CLHC1: variants seen among roughly 807,000 people sequenced by gnomAD.
CLHC1 encodes clathrin heavy chain linker domain-containing protein 1.
CLHC1 carries 72 observed loss-of-function variants against 69.5 expected under a neutral mutation model. The observed-to-expected ratio is 1.04, with a 90% confidence interval of 0.86 to 1.26. CLHC1 has a LOEUF of 1.26. Among genes scored for constraint, CLHC1 ranks in the 50% most tolerant of loss-of-function variants. The pLI is 0.00. For synonymous variants in CLHC1, 223 were observed against 224.3 expected (o/e 0.99, Z 0.05); for missense variants, 790 against 679.3 (o/e 1.16, Z -1.81).
intron 10 of CLHC1, among the ~76,000 whole-genome samples, chr2:55,181,117 A>T (rs1274806910): frequency 2.0e-5 from 3 of 152,058 alleles, no homozygotes; most frequent in Non-Finnish European, 4.4e-5. Flanking sequence ...AGTAGCAGGG[A>T]CTACAGCCGT....
intron 5 of CLHC1, 130 bp from the exon 6 acceptor site, chr2:55,209,961 T>A (rs566684904): frequency 5.1e-6 from 3 of 587,976 alleles, no homozygotes; most frequent in East Asian, 5.8e-5. Context: ...TACTTATAGC[T>A]TACTGAACAT....
chr2:55,224,946 C>G (rs1395592910), intron 2 of CLHC1: 2 of 167,542 alleles, frequency 1.2e-5, no homozygotes, highest in Non-Finnish European at 2.6e-5. Flanking sequence ...TGCCCAGCCT[C>G]TTTTCTGGAC....
Position 55,217,836 on chromosome 2 carries a change from T to C in CLHC1, c.340A>G (p.Lys114Glu). The C allele has an allele frequency of 6.4e-7, 1 of 1,565,636 alleles. No individual in the cohort carries two copies. Among genetic ancestry groups the C allele is most frequent in the Non-Finnish European group, 8.6e-7 (1 of 1,161,482 alleles). ...TTTGCTTCAAGTTGGATTGTTCTTT[T>C]CCTGTAATATACCAAAGCTGTAGGC... is the stretch of plus-strand genomic sequence containing the variant. Reference protein sequence around the residue: ...AEPTALVYYRKRTIQLEAKMR... With the variant: ...AEPTALVYYRERTIQLEAKMR... The change falls in exon 4 of 13, where the codon AAA becomes GAA. Residue 114 changes from lysine to glutamate, a missense_variant. Transcript: ENST00000401408.
intron 9 of CLHC1, among the ~76,000 whole-genome samples, chr2:55,196,092 G>A (rs1461651669): frequency 6.6e-6 from 1 of 152,210 alleles, no homozygotes; most frequent in Non-Finnish European, 1.5e-5. Context: ...ACAGTGGAAA[G>A]CAACATCAGG....
intron 2 of CLHC1, among the ~76,000 whole-genome samples, chr2:55,223,385 G>C (rs544345429): frequency 1.5e-3 from 224 of 152,228 alleles, no homozygotes; most frequent in African/African-American, 5.2e-3. Flanking sequence ...TCAAGCAGCC[G>C]CATTATGCCG....
At chr2:55,176,028 G>C (rs1283276050) in intron 12 of CLHC1, 42 bp from the exon 13 acceptor site, 4 of 1,478,558 alleles carry the variant, frequency 2.7e-6, no homozygotes, top group Non-Finnish European at 3.7e-6. Flanking sequence ...GCACTTATTT[G>C]ATAATCTATA....
At chr2:55,182,781 C>G (rs532953278) in intron 9 of CLHC1, among the ~76,000 whole-genome samples, 1 of 152,050 alleles carries the variant, frequency 6.6e-6, no homozygotes, top group Non-Finnish European at 1.5e-5. Flanking sequence ...CCATGAAAGG[C>G]GGGTAGGCTG....
intron 8 of CLHC1, 24 bp from the exon 9 acceptor site, chr2:55,206,400 G>A (rs1198953496): frequency 8.7e-6 from 11 of 1,260,990 alleles, no homozygotes; most frequent in East Asian, 7.0e-5. Flanking sequence ...ATTTTAAAAT[G>A]CATTATAATG....
At chr2:55,196,845 G>T (rs917307780) in intron 9 of CLHC1, among the ~76,000 whole-genome samples, 5 of 152,190 alleles carry the variant, frequency 3.3e-5, no homozygotes, top group Non-Finnish European at 5.9e-5. Flanking sequence ...TTGTCTTGCA[G>T]CTTAGGTACC....
chr2:55,213,391 T>C (rs1002150008), intron 4 of CLHC1, among the ~76,000 whole-genome samples: 4 of 152,214 alleles, frequency 2.6e-5, no homozygotes, highest in Non-Finnish European at 5.9e-5. Flanking sequence ...GTTTCCCTCT[T>C]ATTAGGACAT....
At chr2:55,229,373 A>G (rs901688115) in intron 1 of CLHC1, among the ~76,000 whole-genome samples, 2 of 152,106 alleles carry the variant, frequency 1.3e-5, no homozygotes, top group East Asian at 3.9e-4. Flanking sequence ...CAGGTCATGT[A>G]GATTCCTGGG....
Position 55,208,645 on chromosome 2 carries a change from T to C in CLHC1, c.880A>G (p.Met294Val). 1.2e-6 allele frequency: 2 copies of C among 1,608,392 alleles called. No individual in the cohort carries two copies. The highest frequency in any genetic ancestry group is 2.2e-5 in the South Asian group (2 of 90,850). Residue 294 changes from methionine to valine, a missense_variant, in exon 8 of 13, where the codon ATG (methionine) becomes GTG (valine). Coordinates refer to ENST00000401408, the MANE Select transcript of CLHC1 (RefSeq NM_152385.4). Reference protein sequence around the residue: ...DPRRAKEAEIMLHYIERFNEL... With the variant: ...DPRRAKEAEIVLHYIERFNEL... ...ATTTGCCTTTCAATGTAGTGAAGCA[T>C]AATTTCAGCTTCTTTTGCCCTGCGT...
intron 2 of CLHC1, among the ~76,000 whole-genome samples, chr2:55,222,746 C>A (rs1674265828): frequency 6.6e-6 from 1 of 151,578 alleles, no homozygotes; most frequent in Non-Finnish European, 1.5e-5. Context: ...CATGGAGAAA[C>A]CCCGTCTCTA....
chr2:55,177,483 G>C (rs1669502517), intron 12 of CLHC1, 119 bp downstream of exon 12: 1 of 569,348 alleles, frequency 1.8e-6, no homozygotes, highest in South Asian at 3.9e-5. Flanking sequence ...AACTCCTAAA[G>C]TTAACTCTTG....
intron 2 of CLHC1, chr2:55,223,946 C>A (rs913419573): frequency 6.5e-6 from 1 of 152,738 alleles, no homozygotes; most frequent in African/African-American, 2.4e-5. Context: ...CAGGCGCCCG[C>A]CACCACGCCC....
chr2:55,178,711 C>A (rs13013134), intron 11 of CLHC1, among the ~76,000 whole-genome samples: 72,298 of 151,628 alleles, frequency 0.48, 17,675 homozygotes, highest in Non-Finnish European at 0.53. Context: ...TATTATTTTG[C>A]GGCCACAATA....
chr2:55,186,610 A>G (rs1434524979), intron 9 of CLHC1, among the ~76,000 whole-genome samples: 5 of 151,854 alleles, frequency 3.3e-5, no homozygotes, highest in Admixed American at 3.3e-4. Context: ...AACAACAAAA[A>G]CACATTAACC....
Position 55,206,269 on chromosome 2 carries a change from C to A in CLHC1, c.1006+1G>T. 1 of 1,530,490 alleles carries A rather than the reference C, an allele frequency of 6.5e-7. No homozygotes were observed. The highest frequency in any genetic ancestry group is 9.1e-7 in the Non-Finnish European group (1 of 1,104,864). 94.8% of individuals were successfully genotyped at this position (1,530,490 alleles called of 1,614,324 possible). A position where few individuals can be genotyped will look rare whatever the true frequency, so the allele number is the denominator to read the frequency against. On this transcript the variant is annotated splice_donor_variant, in intron 9 of 12. Transcript: ENST00000401408. LOFTEE classifies it high-confidence loss of function. The stretch of plus-strand genomic sequence containing the variant: ...TATAAGGTTCAGAGAGAAATGCTTA[C>A]CCTTAAATGTATTCATTGTACCAAT...
At chr2:55,219,556 T>G (rs1026470646) in intron 3 of CLHC1, among the ~76,000 whole-genome samples, 2 of 152,218 alleles carry the variant, frequency 1.3e-5, no homozygotes, top group African/African-American at 4.8e-5. Context: ...CTTTACTGGT[T>G]TATTTATTCA....
Sources: gnomAD v4.1 joint callset for allele counts (sites outside exome capture counted in the v4.1 genomes callset) on GRCh38, gnomAD v4.1.1 for gene constraint, MANE v1.5 for transcripts, NCBI Gene and HGNC (gene_info 2026-07-23, HGNC 2026-07-21) for gene names.